Variants in MGAT4A observed in about 807,000 individuals in gnomAD.
MGAT4A encodes the protein alpha-1,3-mannosyl-glycoprotein 4-beta-N-acetylglucosaminyltransferase A.
Under a neutral mutation model 74.1 loss-of-function variants are expected in MGAT4A, and 33 were observed. That is an observed-to-expected ratio of 0.45 (90% CI 0.34 to 0.60). The LOEUF is 0.60. Ranked by LOEUF, MGAT4A falls within the 20% of genes least tolerant of loss-of-function variation. The probability of loss-of-function intolerance (pLI) is 0.02; values close to 1 mark genes in which losing one functional copy is unlikely to be tolerated. For synonymous variants in MGAT4A, 198 were observed against 210.4 expected (o/e 0.94, Z 0.51); for missense variants, 479 against 628.3 (o/e 0.76, Z 2.54).
chr2:98,663,121 T>G lies in MGAT4A; in HGVS notation c.462A>C (p.Glu154Asp). 6.2e-7 allele frequency: 1 copy of G among 1,604,692 alleles called. No homozygotes were observed. Among genetic ancestry groups the G allele is most frequent in the Non-Finnish European group, 8.5e-7 (1 of 1,173,476 alleles). The change falls in exon 5 of 16, where the codon GAA (glutamate) becomes GAC (aspartate). Residue 154 changes from glutamate (E) to aspartate (D), a missense_variant. This residue lies in a region of MGAT4A where 205 missense variants were observed against 232.7 expected (regional missense o/e 0.88). Coordinates refer to ENST00000393487, the MANE Select transcript of MGAT4A (RefSeq NM_012214.3). ...VKREVKSYLI[E>D]TLHSLIDNLY... ...GGTTATCAATAAGGGAATGAAGAGT[T>G]TCTATGAGGTAAGATTTAACTTCTC...
chr2:98,635,988 A>AAAAATAAAATAAAAT (rs201089786), intron 13 of MGAT4A, among the ~76,000 whole-genome samples: 6,329 of 140,702 alleles, frequency 0.045, 243 homozygotes, highest in African/African-American at 0.086. Flanking sequence ...TCTGTCTCAA[A>AAAAATAAAATAAAAT]AAAATAAAAT....
At chr2:98,663,217 C>T in intron 4 of MGAT4A, 38 bp from the exon 5 acceptor site, 1 of 1,549,778 alleles carries the variant, frequency 6.5e-7, no homozygotes. Context: ...AAAAACTGTA[C>T]AAGGACAATA....
In MGAT4A at chr2:98,656,211, C is replaced by A. The variant is rs137931897; in HGVS notation, c.698+141G>T. 1.3e-5 allele frequency: 8 copies of A among 615,448 alleles called. No homozygotes were observed. In the East Asian group the frequency reaches 2.1e-4, roughly 16 times the overall value. The allele number at this position is 615,448 out of a possible 1,614,324, so 38.1% of individuals were successfully genotyped here. ...AAGAAAACTCTACATTATTTCCAAG[C>A]GGTCCTGGACTTAATGAGACTTACC... On this transcript the variant is annotated intron_variant, in intron 7 of 15. Transcript: ENST00000393487.
chr2:98,619,635 TAGC>T lies in MGAT4A; in HGVS notation c.*5928_*5930del, dbSNP rs1014956787. On this transcript the variant is annotated 3_prime_UTR_variant, in exon 16 of 16. Transcript: ENST00000393487. ...GCAGTGCATCTTACAGTACTGTCGA[TAGC>T]AGCCATTTTTAAGGCTCAGAGAATA... The T allele has an allele frequency of 5.3e-5, 8 of 152,254 alleles. No homozygotes were observed. Among genetic ancestry groups the T allele is most frequent in the South Asian group, 4.1e-4 (2 of 4,836 alleles). 9.4% of individuals were successfully genotyped at this position (152,254 alleles called of 1,614,324 possible). A position where few individuals can be genotyped will look rare whatever the true frequency, so the allele number is the denominator to read the frequency against.
intron 8 of MGAT4A, among the ~76,000 whole-genome samples, chr2:98,654,027 CAT>C (rs1187997786): frequency 6.6e-6 from 1 of 151,954 alleles, no homozygotes; most frequent in Non-Finnish European, 1.5e-5. Flanking sequence ...ATCAGTGTAA[CAT>C]ATACTACATT....
chr2:98,670,849 C>T (rs999072528), intron 4 of MGAT4A, among the ~76,000 whole-genome samples: 2 of 152,174 alleles, frequency 1.3e-5, no homozygotes, highest in African/African-American at 2.4e-5. Context: ...CACTTATTCT[C>T]AAACAATGAC....
chr2:98,619,831 A>G lies in MGAT4A; in HGVS notation c.*5735T>C, dbSNP rs777430267. 3 of 152,206 alleles carry G rather than the reference A, an allele frequency of 2.0e-5. No homozygotes were observed. The highest frequency in any genetic ancestry group is 1.3e-4 in the Admixed American group (2 of 15,280). The allele number at this position is 152,206 out of a possible 1,614,324, so 9.4% of individuals were successfully genotyped here. On this transcript the variant is annotated 3_prime_UTR_variant, in exon 16 of 16. Transcript: ENST00000393487. Reference sequence around the variant, plus strand: ...AAGTGACACATAAAATAGCCTCCCTAAAGTCCAAGAGTATTAAAATATTCC... The same window carrying G: ...AAGTGACACATAAAATAGCCTCCCTGAAGTCCAAGAGTATTAAAATATTCC...
At chr2:98,720,083 T>C (rs891894174) in intron 2 of MGAT4A, among the ~76,000 whole-genome samples, 4 of 152,056 alleles carry the variant, frequency 2.6e-5, no homozygotes, top group African/African-American at 9.7e-5. Flanking sequence ...AAGAGAGAAA[T>C]TTTAAGAAAG....
intron 4 of MGAT4A, among the ~76,000 whole-genome samples, chr2:98,669,784 AC>A (rs973509074): frequency 1.3e-5 from 2 of 151,958 alleles, no homozygotes; most frequent in African/African-American, 4.8e-5. Flanking sequence ...ATGGTTGGGG[AC>A]TGTGGGGCAA....
chr2:98,701,316 G>T (rs1336654780), intron 2 of MGAT4A, among the ~76,000 whole-genome samples: 1 of 152,140 alleles, frequency 6.6e-6, no homozygotes, highest in Non-Finnish European at 1.5e-5. Context: ...TGGTTTCAGA[G>T]TCCAGTGCAA....
chr2:98,671,907 G>A (rs751665536), intron 4 of MGAT4A, among the ~76,000 whole-genome samples: 1 of 116,510 alleles, frequency 8.6e-6, no homozygotes, highest in South Asian at 3.0e-4. Flanking sequence ...GTACTTTGAC[G>A]ATGAAGGAAG....
intron 5 of MGAT4A, among the ~76,000 whole-genome samples, chr2:98,658,931 T>A (rs1392868237): frequency 6.6e-6 from 1 of 152,224 alleles, no homozygotes; most frequent in East Asian, 1.9e-4. Flanking sequence ...ATTTAATGAA[T>A]CACATATTCA....
intron 4 of MGAT4A, among the ~76,000 whole-genome samples, chr2:98,664,216 A>G (rs1438822145): frequency 6.7e-6 from 1 of 148,188 alleles, no homozygotes; most frequent in African/African-American, 2.6e-5. Context: ...AAAAAAAAAA[A>G]AAAAAAAAAA....
At chr2:98,728,369 T>C (rs960528316) in intron 1 of MGAT4A, among the ~76,000 whole-genome samples, 3 of 152,222 alleles carry the variant, frequency 2.0e-5, no homozygotes, top group Admixed American at 6.5e-5. Flanking sequence ...GAAGTTATCA[T>C]TGTTCTCTAA....
intron 2 of MGAT4A, among the ~76,000 whole-genome samples, chr2:98,708,220 G>A (rs1702467228): frequency 6.6e-6 from 1 of 151,708 alleles, no homozygotes; most frequent in African/African-American, 2.4e-5. Flanking sequence ...CTCCCACCTT[G>A]GCCTCCCAAA....
chr2:98,671,036 T>G (rs553792260), intron 4 of MGAT4A, among the ~76,000 whole-genome samples: 4 of 152,210 alleles, frequency 2.6e-5, no homozygotes, highest in Non-Finnish European at 5.9e-5. Flanking sequence ...TATTGTCCCC[T>G]ATCTCACTGA....
chr2:98,690,041 C>T (rs2309434), intron 2 of MGAT4A, among the ~76,000 whole-genome samples: 43,184 of 151,676 alleles, frequency 0.28, 6,512 homozygotes, highest in Non-Finnish European at 0.33. Flanking sequence ...GCCTGCTAAC[C>T]CTATGCAAAG....
At chr2:98,713,692 G>A (rs983678621) in intron 2 of MGAT4A, among the ~76,000 whole-genome samples, 2 of 152,192 alleles carry the variant, frequency 1.3e-5, no homozygotes, top group Non-Finnish European at 2.9e-5. Flanking sequence ...GGAAGGAATA[G>A]AAATGGGACA....
chr2:98,679,185 T>C (rs1702021440), intron 2 of MGAT4A, among the ~76,000 whole-genome samples: 1 of 151,988 alleles, frequency 6.6e-6, no homozygotes, highest in African/African-American at 2.4e-5. Flanking sequence ...GGTGGGCGGA[T>C]CACGAGGTCA....
Sources: allele counts gnomAD v4.1 joint callset (sites outside exome capture counted in the v4.1 genomes callset), GRCh38; gene constraint gnomAD v4.1.1; regional missense constraint gnomAD v4.1.1; transcripts MANE v1.5; gene names NCBI Gene and HGNC (gene_info 2026-07-23, HGNC 2026-07-21).